KCNQ5: variants seen among roughly 807,000 people sequenced by gnomAD.
KCNQ5 encodes potassium voltage-gated channel subfamily Q member 5.
In KCNQ5, 30 loss-of-function variants were observed where a neutral mutation model predicts 98.2. The observed-to-expected ratio is 0.31, with a 90% CI of 0.23 to 0.41. The LOEUF (loss-of-function observed/expected upper bound fraction) is 0.41. KCNQ5 is among the 10% of genes least tolerant of loss of function. The pLI is 1.00. For synonymous variants in KCNQ5, 458 were observed against 449.4 expected (o/e 1.02, Z -0.24); for missense variants, 835 against 1,182.5 (o/e 0.71, Z 4.31).
Position 73,082,502 on chromosome 6 carries a change from C to T in KCNQ5, c.918+4615C>T, listed in dbSNP as rs935404278. Among the ~76,000 whole-genome samples the T allele has an allele frequency of 4.9e-4, 74 of 152,230 alleles. 1 individual carries two copies. Among genetic ancestry groups the T allele is most frequent in the African/African-American group, 1.7e-3 (69 of 41,534 alleles). On this transcript the variant is annotated intron_variant, in intron 5 of 13. Coordinates refer to ENST00000370398, the MANE Select transcript of KCNQ5 (RefSeq NM_019842.4). ...TGCATGTTCACCAGCATATCTCTTA[C>T]AAGCTCTGGAATGAGGAAAAAAAAT... is the stretch of plus-strand genomic sequence containing the variant.
Position 72,983,430 on chromosome 6 carries a change from A to G in KCNQ5, c.399-20478A>G, listed in dbSNP as rs1466375523. Among the ~76,000 whole-genome samples the G allele has an allele frequency of 4.6e-5, 7 of 152,028 alleles. No homozygotes were observed. The South Asian group carries it at 6.2e-4, about 14-fold the overall frequency. ...CTTCATTTCATTAATTTGATCTTCA[A>G]TCACTGATACCCTTTCTTCCACTTG... On this transcript the variant is annotated intron_variant, in intron 1 of 13. Coordinates refer to ENST00000370398, the MANE Select transcript of KCNQ5 (RefSeq NM_019842.4).
intron 1 of KCNQ5, among the ~76,000 whole-genome samples, chr6:72,761,755 T>A (rs1170380836): frequency 6.6e-6 from 1 of 152,116 alleles, no homozygotes; most frequent in Non-Finnish European, 1.5e-5. Flanking sequence ...GTATTTTACA[T>A]CTTTAAGTAA....
chr6:73,132,303 C>T (rs2150455871), intron 9 of KCNQ5, among the ~76,000 whole-genome samples: 1 of 152,158 alleles, frequency 6.6e-6, no homozygotes, highest in East Asian at 1.9e-4. Flanking sequence ...ACTCATTGCC[C>T]AGGATTTCTT....
chr6:72,869,327 C>T (rs1477067166), intron 1 of KCNQ5, among the ~76,000 whole-genome samples: 3 of 151,952 alleles, frequency 2.0e-5, no homozygotes, highest in African/African-American at 4.8e-5. Context: ...AGCTTGGGGC[C>T]GATGGACACT....
intron 2 of KCNQ5, among the ~76,000 whole-genome samples, chr6:73,031,202 G>A (rs1304183782): frequency 2.0e-5 from 3 of 152,114 alleles, no homozygotes; most frequent in Non-Finnish European, 2.9e-5. Flanking sequence ...AAGAGGTATC[G>A]GGTAACAACA....
At position 73,195,111 on chromosome 6, in the gene KCNQ5, G is replaced by C. The variant is rs201446907; in HGVS notation, c.2496G>C (p.Val832=). The C allele has an allele frequency of 6.2e-6, 10 of 1,614,074 alleles. No individual in the cohort carries two copies. The Admixed American group carries it at 1.3e-4, about 22-fold the overall frequency. The change falls in exon 14 of 14, where the codon GTG becomes GTC. Residue 832 remains valine (V), a synonymous_variant. Coordinates refer to ENST00000370398, the MANE Select transcript of KCNQ5 (RefSeq NM_019842.4). ...AGGACTTGGGCAAATCTTTGTCTGT[G>C]CAAAACCTGATCAGGTCGACCGAGG... ...VPKDLGKSLS[V]QNLIRSTEEL...
chr6:72,977,886 C>G (rs1288865108), intron 1 of KCNQ5, among the ~76,000 whole-genome samples: 1 of 152,116 alleles, frequency 6.6e-6, no homozygotes, highest in Non-Finnish European at 1.5e-5. Flanking sequence ...ACTATTATAC[C>G]TTCAGCACCT....
At chr6:72,723,656 T>G (rs922711920) in intron 1 of KCNQ5, among the ~76,000 whole-genome samples, 66 of 152,310 alleles carry the variant, frequency 4.3e-4, no homozygotes, top group African/African-American at 1.5e-3. Context: ...CCTTTTTCCT[T>G]CCTTTCTTTC....
At chr6:72,884,971 T>C (rs1778795953) in intron 1 of KCNQ5, among the ~76,000 whole-genome samples, 2 of 152,142 alleles carry the variant, frequency 1.3e-5, no homozygotes, top group Non-Finnish European at 2.9e-5. Context: ...ATAATAATTA[T>C]TATACTCCAC....
chr6:72,654,258 C>CCA (rs1766028856), intron 1 of KCNQ5, among the ~76,000 whole-genome samples: 1 of 151,740 alleles, frequency 6.6e-6, no homozygotes, highest in Non-Finnish European at 1.5e-5. Flanking sequence ...AGAGGTGATA[C>CCA]TAAGTTGTGT....
chr6:72,629,000 A>G lies in KCNQ5; in HGVS notation c.398+6413A>G, dbSNP rs188550490. 2.6e-5 allele frequency among the ~76,000 whole-genome samples: 4 copies of G among 151,904 alleles called. No individual in the cohort carries two copies. In the East Asian group the frequency reaches 7.7e-4, roughly 29 times the overall value. On this transcript the variant is annotated intron_variant, in intron 1 of 13. Transcript: ENST00000370398. ...TGTTTATTGCTTGTCTCTCCCCTCA[A>G]CCCCAATTCTTTAAAGGCAGGGGTT...
At chr6:72,742,057 T>G (rs1054216256) in intron 1 of KCNQ5, among the ~76,000 whole-genome samples, 1 of 152,214 alleles carries the variant, frequency 6.6e-6, no homozygotes, top group African/African-American at 2.4e-5. Flanking sequence ...GTCAACTGCC[T>G]TCATACAGTA....
chr6:72,848,713 G>A (rs1024998801), intron 1 of KCNQ5, among the ~76,000 whole-genome samples: 2 of 152,134 alleles, frequency 1.3e-5, no homozygotes, highest in Non-Finnish European at 2.9e-5. Context: ...GCCATGTTGT[G>A]GGAGGTTATT....
intron 1 of KCNQ5, among the ~76,000 whole-genome samples, chr6:72,656,220 G>A (rs1766188443): frequency 6.6e-6 from 1 of 152,080 alleles, no homozygotes; most frequent in South Asian, 2.1e-4. Context: ...TTTCACTGGG[G>A]ACCCAGGACC....
intron 10 of KCNQ5, chr6:73,135,396 G>T (rs1393078666): frequency 6.9e-5 from 10 of 144,522 alleles, no homozygotes; most frequent in Admixed American, 6.3e-4. Flanking sequence ...AGGCAATAAA[G>T]GATTTTCTTT....
At chr6:72,741,067 T>C (rs1323328324) in intron 1 of KCNQ5, among the ~76,000 whole-genome samples, 2 of 152,202 alleles carry the variant, frequency 1.3e-5, no homozygotes, top group Admixed American at 6.5e-5. Context: ...AGAGTGCAGA[T>C]GAGAATTCAG....
intron 3 of KCNQ5, among the ~76,000 whole-genome samples, chr6:73,065,786 C>G (rs1773023891): frequency 6.6e-6 from 1 of 152,216 alleles, no homozygotes. Flanking sequence ...TAGATATGAT[C>G]ACGGTCACCC....
chr6:72,981,594 T>C (rs1322788257), intron 1 of KCNQ5, among the ~76,000 whole-genome samples: 3 of 152,136 alleles, frequency 2.0e-5, no homozygotes, highest in East Asian at 1.9e-4. Flanking sequence ...TTTGTTGATC[T>C]TTTCAAAAAG....
At chr6:72,977,201 G>A (rs1461878617) in intron 1 of KCNQ5, among the ~76,000 whole-genome samples, 1 of 152,094 alleles carries the variant, frequency 6.6e-6, no homozygotes, top group Non-Finnish European at 1.5e-5. Flanking sequence ...CAATACTAGA[G>A]GAGAAGTAGT....
Sources: gnomAD v4.1 joint callset for allele counts (sites outside exome capture counted in the v4.1 genomes callset) on GRCh38, gnomAD v4.1.1 for gene constraint, MANE v1.5 for transcripts, NCBI Gene and HGNC (gene_info 2026-07-23, HGNC 2026-07-21) for gene names.